ZNF385D: variants seen among roughly 807,000 people sequenced by gnomAD.
ZNF385D encodes zinc finger protein 659.
ZNF385D carries 15 observed loss-of-function variants against 35.8 expected under a neutral mutation model. That is an observed-to-expected ratio of 0.42 (90% CI 0.28 to 0.64). The LOEUF is 0.64. ZNF385D is among the 30% of genes least tolerant of loss of function. The probability of loss-of-function intolerance (pLI) is 0.23; values close to 1 mark genes in which losing one functional copy is unlikely to be tolerated. For missense variants in ZNF385D, 474 were observed against 494.6 expected (o/e 0.96, Z 0.39); for synonymous variants, 212 against 186.8 (o/e 1.13, Z -1.10).
intron 3 of ZNF385D, among the ~76,000 whole-genome samples, chr3:21,834,360 C>G (rs1467171158): frequency 6.6e-6 from 1 of 152,132 alleles, no homozygotes; most frequent in Non-Finnish European, 1.5e-5. Flanking sequence ...ACAATTTGAC[C>G]AAGGAAACCA....
At chr3:22,205,790 AG>A (rs1426496284) in intron 2 of ZNF385D, among the ~76,000 whole-genome samples, 2 of 151,994 alleles carry the variant, frequency 1.3e-5, no homozygotes, top group African/African-American at 4.8e-5. Context: ...ATTAAAACAT[AG>A]TACCAGAGAA....
At chr3:22,119,868 G>A (rs753964735) in intron 3 of ZNF385D, among the ~76,000 whole-genome samples, 3 of 152,044 alleles carry the variant, frequency 2.0e-5, no homozygotes, top group Non-Finnish European at 2.9e-5. Flanking sequence ...CATTTTTTGA[G>A]ACAGGATCTC....
At chr3:22,184,991 A>G (rs1475752617) in intron 2 of ZNF385D, among the ~76,000 whole-genome samples, 1 of 152,078 alleles carries the variant, frequency 6.6e-6, no homozygotes, top group Non-Finnish European at 1.5e-5. Flanking sequence ...GTAGGTTAAA[A>G]TGTGTTTTAA....
intron 3 of ZNF385D, among the ~76,000 whole-genome samples, chr3:22,065,442 T>G (rs563969617): frequency 9.2e-5 from 14 of 152,230 alleles, no homozygotes; most frequent in African/African-American, 3.1e-4. Flanking sequence ...CAGCTGGAAC[T>G]CTCTACAATG....
At chr3:21,861,296 A>C (rs1697042003) in intron 3 of ZNF385D, among the ~76,000 whole-genome samples, 1 of 152,138 alleles carries the variant, frequency 6.6e-6, no homozygotes, top group Admixed American at 6.6e-5. Context: ...AAAATTCAGA[A>C]TAATTACAAT....
chr3:22,194,571 T>G (rs866110341), intron 2 of ZNF385D, among the ~76,000 whole-genome samples: 2 of 151,960 alleles, frequency 1.3e-5, no homozygotes, highest in African/African-American at 4.8e-5. Context: ...TCCATAAATT[T>G]TAACATATAT....
intron 3 of ZNF385D, among the ~76,000 whole-genome samples, chr3:22,020,273 G>A (rs866340985): frequency 6.6e-6 from 1 of 151,886 alleles, no homozygotes; most frequent in African/African-American, 2.4e-5. Flanking sequence ...CTACAGAAAG[G>A]ACACCCAGGC....
intron 1 of ZNF385D, among the ~76,000 whole-genome samples, chr3:21,716,474 T>C (rs1366242423): frequency 6.6e-6 from 1 of 152,150 alleles, no homozygotes; most frequent in African/African-American, 2.4e-5. Context: ...TGCTGGCCTC[T>C]GTATTATTTC....
At position 22,270,677 on chromosome 3, in the gene ZNF385D, C is replaced by A. The variant is rs544071488; in HGVS notation, c.107-101642G>T. ...TGTGAGATCTTTACTTATTTGCTTTCCTTACAGTAATAACCTAGATGATTT... is the reference window on the plus strand; with the variant it reads ...TGTGAGATCTTTACTTATTTGCTTTACTTACAGTAATAACCTAGATGATTT... On this transcript the variant is annotated intron_variant, in intron 2 of 5. Coordinates refer to the ZNF385D transcript ENST00000494108. Among the ~76,000 whole-genome samples the A allele has an allele frequency of 2.0e-5, 3 of 152,008 alleles. No individual in the cohort carries two copies. In the South Asian group the frequency reaches 6.2e-4, roughly 32 times the overall value.
At chr3:22,212,420 G>T (rs988372547) in intron 2 of ZNF385D, among the ~76,000 whole-genome samples, 6 of 152,142 alleles carry the variant, frequency 3.9e-5, no homozygotes, top group Admixed American at 6.6e-5. Context: ...AAAAGAAATT[G>T]ATGAGCCCAG....
chr3:21,485,201 T>C lies in ZNF385D; in HGVS notation c.439+25660A>G, dbSNP rs557710470. Among the ~76,000 whole-genome samples, 34 of 152,316 alleles carry C rather than the reference T, an allele frequency of 2.2e-4. No individual in the cohort carries two copies. In the South Asian group the frequency reaches 5.8e-3, roughly 26 times the overall value. On this transcript the variant is annotated intron_variant, in intron 4 of 7. Transcript: ENST00000281523. Reference sequence around the variant, plus strand: ...GAAACACGTCAAGGTTTATTTCACATGTACGTGTTTCTGAGCCACAGTGTT... The same window carrying C: ...GAAACACGTCAAGGTTTATTTCACACGTACGTGTTTCTGAGCCACAGTGTT...
chr3:22,019,034 CTTTTTTTTTTTTTTT>C (rs11380195), intron 3 of ZNF385D, among the ~76,000 whole-genome samples: 2,479 of 64,686 alleles, frequency 0.038, 95 homozygotes, highest in African/African-American at 0.12. Context: ...AGTTATTTAC[CTTTTTTTTTTTTTTT>C]TTTTTTTTTT....
chr3:22,071,786 T>C (rs1347598978), intron 3 of ZNF385D, among the ~76,000 whole-genome samples: 2 of 152,078 alleles, frequency 1.3e-5, no homozygotes, highest in African/African-American at 4.8e-5. Context: ...CTAAATCTAG[T>C]TTTCTCCTCC....
chr3:21,492,043 G>T (rs1309091168), intron 4 of ZNF385D, among the ~76,000 whole-genome samples: 1 of 152,034 alleles, frequency 6.6e-6, no homozygotes, highest in African/African-American at 2.4e-5. Context: ...TAATGCTGAT[G>T]TTGAACTGAG....
At chr3:21,798,837 A>T (rs539702926) in intron 3 of ZNF385D, among the ~76,000 whole-genome samples, 15 of 152,326 alleles carry the variant, frequency 9.8e-5, no homozygotes, top group African/African-American at 3.4e-4. Flanking sequence ...TAACAATTTT[A>T]AAATGTACAA....
rs183069050 is a variant in ZNF385D at position 21,514,123 on chromosome 3, G to A, written c.277-3100C>T. 1.8e-3 allele frequency among the ~76,000 whole-genome samples: 273 copies of A among 152,252 alleles called. 2 individuals carry two copies. Among genetic ancestry groups the A allele is most frequent in the African/African-American group, 5.2e-3 (216 of 41,564 alleles). Reference sequence around the variant, plus strand: ...TCCTCTGCTTTTCTTTTGAGCAGAGGAGTGTAGGACAGTTATACCATATAC... The same window carrying A: ...TCCTCTGCTTTTCTTTTGAGCAGAGAAGTGTAGGACAGTTATACCATATAC... On this transcript the variant is annotated intron_variant, in intron 3 of 7. Coordinates refer to ENST00000281523, the MANE Select transcript of ZNF385D (RefSeq NM_024697.3).
intron 2 of ZNF385D, among the ~76,000 whole-genome samples, chr3:22,178,645 G>C (rs143935821): frequency 6.6e-6 from 1 of 152,136 alleles, no homozygotes; most frequent in African/African-American, 2.4e-5. Context: ...TTTTAGACAT[G>C]AAGTCCTTGC....
intron 3 of ZNF385D, among the ~76,000 whole-genome samples, chr3:21,908,931 AT>A (rs1349477285): frequency 6.6e-6 from 1 of 152,090 alleles, no homozygotes; most frequent in Non-Finnish European, 1.5e-5. Context: ...TGTTAGCTCT[AT>A]TTTACCTAGT....
chr3:21,838,858 C>G (rs1271862897), intron 3 of ZNF385D, among the ~76,000 whole-genome samples: 3 of 151,958 alleles, frequency 2.0e-5, no homozygotes, highest in African/African-American at 7.2e-5. Flanking sequence ...AGAAAAGATG[C>G]TTCTTAGAGG....
Sources: gnomAD v4.1 joint callset for allele counts (sites outside exome capture counted in the v4.1 genomes callset) on GRCh38, gnomAD v4.1.1 for gene constraint, MANE v1.5 for transcripts, NCBI Gene and HGNC (gene_info 2026-07-23, HGNC 2026-07-21) for gene names.